Variants in PPP2R5E observed in about 807,000 individuals in gnomAD.
The protein encoded by PPP2R5E is protein phosphatase 2 regulatory subunit B'epsilon, also known as serine/threonine-protein phosphatase 2A 56 kDa regulatory subunit epsilon isoform.
A neutral mutation model predicts 65.3 loss-of-function variants in PPP2R5E; 4 were observed. That is an observed-to-expected ratio of 0.06 (90% confidence interval 0.03 to 0.14). The LOEUF (loss-of-function observed/expected upper bound fraction) is 0.14. Among genes scored for constraint, PPP2R5E ranks in the 10% least tolerant of loss-of-function variants. The pLI, the probability that PPP2R5E is intolerant of heterozygous loss-of-function variation, is 1.00. For synonymous variants in PPP2R5E, 183 were observed against 187.4 expected (o/e 0.98, Z 0.19); for missense variants, 274 against 556.1 (o/e 0.49, Z 5.10).
At position 63,381,766 on chromosome 14, in the gene PPP2R5E, C is replaced by T. The variant is rs146157682; in HGVS notation, c.1304+290G>A. Among the ~76,000 whole-genome samples the T allele has an allele frequency of 3.5e-3, 538 of 152,294 alleles. 1 individual carries two copies. The highest frequency in any genetic ancestry group is 0.012 in the African/African-American group (510 of 41,562). On this transcript the variant is annotated intron_variant, in intron 13 of 13. Transcript: ENST00000337537. ...TTGTGTTACAATTGGCTACGGTATT[C>T]ACCACAGGTTTGTAGCCTGGGAAGA...
chr14:63,407,550 ATT>A (rs35078468), intron 5 of PPP2R5E, among the ~76,000 whole-genome samples: 20 of 151,998 alleles, frequency 1.3e-4, no homozygotes, highest in African/African-American at 4.3e-4. Context: ...ATATATGCTT[ATT>A]TTTTTTATAT....
At chr14:63,460,574 T>C (rs1467611099) in intron 2 of PPP2R5E, among the ~76,000 whole-genome samples, 1 of 152,222 alleles carries the variant, frequency 6.6e-6, no homozygotes, top group Non-Finnish European at 1.5e-5. Flanking sequence ...CTTACAACAG[T>C]ATAAAATCAG....
chr14:63,539,511 C>G lies in PPP2R5E; in HGVS notation c.157+18G>C. 6.2e-7 allele frequency: 1 copy of G among 1,604,342 alleles called. No homozygotes were observed. Among genetic ancestry groups the G allele is most frequent in the Non-Finnish European group, 8.5e-7 (1 of 1,175,448 alleles). ...AGATCAATTGAAAAAGAATGCATCA[C>G]CTGGTCATGAGCCTTACCTTTTAGC... is the stretch of plus-strand genomic sequence containing the variant. On this transcript the variant is annotated intron_variant, in intron 2 of 13. Transcript: ENST00000337537.
At chr14:63,457,782 G>C (rs1314849776) in intron 2 of PPP2R5E, among the ~76,000 whole-genome samples, 1 of 152,108 alleles carries the variant, frequency 6.6e-6, no homozygotes, top group Non-Finnish European at 1.5e-5. Context: ...GTTCAAAAGA[G>C]AGAATAATTG....
intron 2 of PPP2R5E, among the ~76,000 whole-genome samples, chr14:63,474,436 ATGTT>A (rs1308831103): frequency 6.6e-6 from 1 of 152,150 alleles, no homozygotes; most frequent in Non-Finnish European, 1.5e-5. Context: ...TACATTAGAG[ATGTT>A]TATAAGACAT....
intron 2 of PPP2R5E, among the ~76,000 whole-genome samples, chr14:63,516,337 C>A (rs951041315): frequency 1.3e-5 from 2 of 152,112 alleles, no homozygotes; most frequent in African/African-American, 4.8e-5. Flanking sequence ...AGAAAAAAAT[C>A]TAAGAATAAA....
chr14:63,433,527 C>T (rs1887801190), intron 3 of PPP2R5E, among the ~76,000 whole-genome samples: 1 of 152,162 alleles, frequency 6.6e-6, no homozygotes, highest in South Asian at 2.1e-4. Flanking sequence ...ATCATCTAAT[C>T]TCCTGGCTAG....
intron 3 of PPP2R5E, among the ~76,000 whole-genome samples, chr14:63,433,036 T>TTTG (rs1887768043): frequency 1.5e-5 from 2 of 130,156 alleles, no homozygotes; most frequent in African/African-American, 6.8e-5. Context: ...TGTTTTGTTT[T>TTTG]TTTTTTTTTT....
chr14:63,427,240 G>A (rs1023879242), intron 3 of PPP2R5E, among the ~76,000 whole-genome samples: 1 of 151,870 alleles, frequency 6.6e-6, no homozygotes, highest in African/African-American at 2.4e-5. Flanking sequence ...AGTCACAAAC[G>A]GTCTCTATTA....
chr14:63,448,154 A>G (rs983728314), intron 3 of PPP2R5E, among the ~76,000 whole-genome samples: 2 of 151,928 alleles, frequency 1.3e-5, no homozygotes, highest in Non-Finnish European at 2.9e-5. Flanking sequence ...AAAATTAGCC[A>G]GGCGTGGTGG....
chr14:63,408,449 C>T (rs748422532), intron 5 of PPP2R5E, among the ~76,000 whole-genome samples: 14 of 152,058 alleles, frequency 9.2e-5, no homozygotes, highest in South Asian at 2.1e-4. Context: ...TTTTATGGCA[C>T]GCTCAGCAGG....
intron 13 of PPP2R5E, among the ~76,000 whole-genome samples, chr14:63,379,234 T>C (rs1487487054): frequency 1.3e-5 from 2 of 152,066 alleles, no homozygotes; most frequent in Non-Finnish European, 2.9e-5. Flanking sequence ...TTCACCATGT[T>C]AGCCAGGATG....
At chr14:63,402,943 C>T (rs755305303) in intron 5 of PPP2R5E, among the ~76,000 whole-genome samples, 1 of 152,154 alleles carries the variant, frequency 6.6e-6, no homozygotes, top group Non-Finnish European at 1.5e-5. Context: ...CAAAGCACAT[C>T]ACTTTCTGGA....
chr14:63,415,031 TG>T, intron 5 of PPP2R5E, 108 bp downstream of exon 5: 2 of 607,136 alleles, frequency 3.3e-6, no homozygotes, highest in East Asian at 3.1e-5. Flanking sequence ...ATATATATTT[TG>T]TGGGTGATAT....
intron 2 of PPP2R5E, among the ~76,000 whole-genome samples, chr14:63,477,342 TAAC>T (rs1000214263): frequency 1.3e-5 from 2 of 152,148 alleles, no homozygotes; most frequent in African/African-American, 4.8e-5. Flanking sequence ...GCTTTAATGA[TAAC>T]AACAACAAAA....
At chr14:63,492,790 T>C (rs1172916316) in intron 2 of PPP2R5E, among the ~76,000 whole-genome samples, 1 of 152,152 alleles carries the variant, frequency 6.6e-6, no homozygotes, top group Non-Finnish European at 1.5e-5. Context: ...TGTTTTACTT[T>C]TGCATTTGAG....
In PPP2R5E at chr14:63,374,661, AT is replaced by A; in HGVS notation, c.*1347del. ...TATATATATATATATATATATATAT[AT>A]ATATATAAAATACAGCCCTAGATTT... On this transcript the variant is annotated 3_prime_UTR_variant, in exon 14 of 14. Coordinates refer to ENST00000337537, the MANE Select transcript of PPP2R5E (RefSeq NM_006246.5). 7.6e-6 allele frequency: 1 copy of A among 131,946 alleles called. No individual in the cohort carries two copies. The highest frequency in any genetic ancestry group is 3.3e-5 in the African/African-American group (1 of 30,382). 8.2% of individuals were successfully genotyped at this position (131,946 alleles called of 1,614,324 possible).
intron 5 of PPP2R5E, among the ~76,000 whole-genome samples, chr14:63,400,638 T>G (rs1885696083): frequency 7.6e-6 from 1 of 130,844 alleles, no homozygotes; most frequent in South Asian, 2.5e-4. Flanking sequence ...ATGGGCAAGT[T>G]AATACATTTC....
chr14:63,492,115 A>G (rs1891312139), intron 2 of PPP2R5E, among the ~76,000 whole-genome samples: 1 of 152,034 alleles, frequency 6.6e-6, no homozygotes, highest in Non-Finnish European at 1.5e-5. Context: ...TTCTTCAATA[A>G]CCCGACCTAC....
Sources: allele counts gnomAD v4.1 joint callset (sites outside exome capture counted in the v4.1 genomes callset), GRCh38; gene constraint gnomAD v4.1.1; transcripts MANE v1.5; gene names NCBI Gene and HGNC (gene_info 2026-07-23, HGNC 2026-07-21).